KLHL40: variants seen among roughly 807,000 people sequenced by gnomAD.
The protein encoded by KLHL40 is kelch-like protein 40.
A neutral mutation model predicts 49.7 loss-of-function variants in KLHL40; 44 were observed. The observed-to-expected ratio is 0.89, with a 90% confidence interval of 0.70 to 1.14. The LOEUF (loss-of-function observed/expected upper bound fraction) is 1.14. KLHL40 is among the 50% of genes most tolerant of loss of function. KLHL40 has a pLI of 0.00. For missense variants in KLHL40, 892 were observed against 850.3 expected (o/e 1.05, Z -0.61); for synonymous variants, 409 against 365.2 (o/e 1.12, Z -1.37).
chr3:42,686,108 G>A lies in KLHL40; in HGVS notation c.490G>A (p.Ala164Thr). 4 of 1,600,746 alleles carry A rather than the reference G, an allele frequency of 2.5e-6. No homozygotes were observed. Among genetic ancestry groups the A allele is most frequent in the Non-Finnish European group, 3.4e-6 (4 of 1,179,488 alleles). Residue 164 changes from alanine (A) to threonine (T), a missense_variant, in exon 1 of 6, where the codon GCG (alanine) becomes ACG (threonine). Transcript: ENST00000287777. ...DFICAHFTLV[A>T]RDADFLGLSA... ...CATCTGCGCTCACTTCACGCTGGTG[G>A]CGCGCGACGCTGACTTCCTCGGACT...
chr3:42,686,836 G>C, intron 1 of KLHL40, 66 bp downstream of exon 1: 1 of 1,390,372 alleles, frequency 7.2e-7, no homozygotes, highest in Non-Finnish European at 9.7e-7. Context: ...CAGTCTTGGG[G>C]CCCAGAAGGG....
chr3:42,688,288 G>A lies in KLHL40; in HGVS notation c.1299G>A (p.Met433Ile), dbSNP rs1401188176. The A allele has an allele frequency of 1.2e-6, 2 of 1,613,936 alleles. No homozygotes were observed. Among genetic ancestry groups the A allele is most frequent in the African/African-American group, 1.3e-5 (1 of 74,964 alleles). ...GCGAGCGCTGCCTGGACTCGGTCAT[G>A]TGCTACGACAGGCTGTGAGCATGGC... Reference protein sequence around the residue: ...KDGERCLDSVMCYDRLSFKWG... With the variant: ...KDGERCLDSVICYDRLSFKWG... Residue 433 changes from methionine (M) to isoleucine (I), a missense_variant, in exon 2 of 6, where the codon ATG (methionine) becomes ATA (isoleucine). Coordinates refer to ENST00000287777, the MANE Select transcript of KLHL40 (RefSeq NM_152393.4). The surrounding 1 kb of genome is among the most constrained non-coding windows in gnomAD (Gnocchi z 4.2).
chr3:42,691,940 G>A lies in KLHL40; in HGVS notation c.1813G>A (p.Gly605Ser), dbSNP rs746728836. 4 of 1,613,784 alleles carry A rather than the reference G, an allele frequency of 2.5e-6. No homozygotes were observed. Among genetic ancestry groups the A allele is most frequent in the Non-Finnish European group, 3.4e-6 (4 of 1,179,784 alleles). Reference sequence around the variant, plus strand: ...CCTGCGGGAGATCGCCTATGCAGCAGGTGCCACCTTCCTACCAGTGCGGCT... The same window carrying A: ...CCTGCGGGAGATCGCCTATGCAGCAAGTGCCACCTTCCTACCAGTGCGGCT... ...GVLREIAYAA[G>S]ATFLPVRLNV... Residue 605 changes from glycine to serine, a missense_variant, in exon 6 of 6, where the codon GGT becomes AGT. Gly to Ser is a moderately conservative substitution (Grantham distance 56). Transcript: ENST00000287777.
At chr3:42,689,555 G>A (rs566149317) in intron 4 of KLHL40, among the ~76,000 whole-genome samples, 1 of 152,232 alleles carries the variant, frequency 6.6e-6, no homozygotes, top group African/African-American at 2.4e-5. Context: ...ATGGAGTTGG[G>A]ATGGCGGTGC....
rs777181018 is a variant in KLHL40, at chr3:42,690,901, C to T, written c.1650C>T (p.Leu550=). ...CCTTCCCACAGGAGCGTAGCTCACTCAGCCTGGTCAGCCTGGTGGGTACCC... is the reference window on the plus strand; with the variant it reads ...CCTTCCCACAGGAGCGTAGCTCACTTAGCCTGGTCAGCCTGGTGGGTACCC... ...FEAFPQERSS[L]SLVSLVGTLY... is the part of the protein sequence containing the mutation. Residue 550 remains leucine, a synonymous_variant, in exon 5 of 6, where the codon CTC becomes CTT. Coordinates refer to ENST00000287777, the MANE Select transcript of KLHL40 (RefSeq NM_152393.4). The T allele has an allele frequency of 6.2e-7, 1 of 1,613,602 alleles. No homozygotes were observed. Among genetic ancestry groups the T allele is most frequent in the South Asian group, 1.1e-5 (1 of 91,048 alleles).
chr3:42,689,386 G>C (rs1697326171), intron 4 of KLHL40, among the ~76,000 whole-genome samples: 1 of 152,156 alleles, frequency 6.6e-6, no homozygotes, highest in African/African-American at 2.4e-5. Flanking sequence ...AGAGAAAACT[G>C]AACTGAGAGA....
chr3:42,685,700 G>A lies in KLHL40; in HGVS notation c.82G>A (p.Asp28Asn), dbSNP rs763130327. Residue 28 changes from aspartate (D) to asparagine (N), a missense_variant, in exon 1 of 6, where the codon GAC becomes AAC. Transcript: ENST00000287777. ...GCAAGACGGGCTCAAAGACATGCTG[G>A]ACCATGGCAAGTTCCTCGACTGTGT... ...LLQDGLKDML[D>N]HGKFLDCVVR... 1 of 1,613,246 alleles carries A rather than the reference G, an allele frequency of 6.2e-7. No homozygotes were observed. The highest frequency in any genetic ancestry group is 2.2e-5 in the East Asian group (1 of 44,866).
At position 42,690,884 on chromosome 3, in the gene KLHL40, C is replaced by T. The variant is rs1007218256; in HGVS notation, c.1633C>T (p.Gln545Ter). Residue 545 changes from glutamine to a stop codon, truncating the protein, a stop_gained, in exon 5 of 6, where the codon CAG becomes TAG. Transcript: ENST00000287777. LOFTEE classifies it high-confidence loss of function. ...NKWAPFEAFP[Q>*]ERSSLSLVSL... ...GTGGGCACCCTTCGAGGCCTTCCCA[C>T]AGGAGCGTAGCTCACTCAGCCTGGT... 6.2e-7 allele frequency: 1 copy of T among 1,612,162 alleles called. No individual in the cohort carries two copies. Among genetic ancestry groups the T allele is most frequent in the African/African-American group, 1.3e-5 (1 of 74,858 alleles).
Position 42,688,175 on chromosome 3 carries a change from C to T in KLHL40, c.1186C>T (p.Pro396Ser). ...DHLDSEWLGM[P>S]PLPSPRCLFG... The stretch of plus-strand genomic sequence containing the variant: ...TCTGGACTCAGAGTGGCTGGGGATG[C>T]CACCGCTGCCCTCGCCCCGCTGCCT... The change falls in exon 2 of 6, where the codon CCA becomes TCA. Residue 396 changes from proline to serine, a missense_variant. Pro to Ser is a moderately conservative substitution (Grantham distance 74). Coordinates refer to ENST00000287777, the MANE Select transcript of KLHL40 (RefSeq NM_152393.4). The surrounding 1 kb of genome is among the most constrained non-coding windows in gnomAD (Gnocchi z 4.2). The T allele has an allele frequency of 6.2e-7, 1 of 1,613,664 alleles. No homozygotes were observed. Among genetic ancestry groups the T allele is most frequent in the Non-Finnish European group, 8.5e-7 (1 of 1,179,990 alleles).
rs1449234368 is a variant in KLHL40 at position 42,686,566 on chromosome 3, G to T, written c.948G>T (p.Leu316=). Residue 316 remains leucine, a synonymous_variant, in exon 1 of 6, where the codon CTG becomes CTT. Coordinates refer to ENST00000287777, the MANE Select transcript of KLHL40 (RefSeq NM_152393.4). ...ACACCCTGCGCTTCGGCATGTTCCT[G>T]CAGGATCTCATCTTCATGATCAGTG... ...LNDTLRFGMF[L]QDLIFMISEE... is the part of the protein sequence containing the mutation. 6.2e-7 allele frequency: 1 copy of T among 1,614,158 alleles called. No individual in the cohort carries two copies. Among genetic ancestry groups the T allele is most frequent in the East Asian group, 2.2e-5 (1 of 44,890 alleles).
chr3:42,687,782 C>A (rs1366641561), intron 1 of KLHL40, among the ~76,000 whole-genome samples: 1 of 152,058 alleles, frequency 6.6e-6, no homozygotes, highest in Non-Finnish European at 1.5e-5. Context: ...TTGGAAGTTT[C>A]CTGAACAGTG....
chr3:42,686,513 G>A lies in KLHL40; in HGVS notation c.895G>A (p.Glu299Lys), dbSNP rs1238979900. 6.2e-7 allele frequency: 1 copy of A among 1,614,164 alleles called. No homozygotes were observed. The highest frequency in any genetic ancestry group is 1.1e-5 in the South Asian group (1 of 91,076). The change falls in exon 1 of 6, where the codon GAA becomes AAA. Residue 299 changes from glutamate to lysine, a missense_variant. Coordinates refer to ENST00000287777, the MANE Select transcript of KLHL40 (RefSeq NM_152393.4). Reference sequence around the variant, plus strand: ...CAAAGCAGAGGAGGATGAGGAGGCCGAACGTATCCTTCCTGGGATCCTCAA... The same window carrying A: ...CAAAGCAGAGGAGGATGAGGAGGCCAAACGTATCCTTCCTGGGATCCTCAA... ...KAKAEEDEEA[E>K]RILPGILNDT...
Position 42,691,954 on chromosome 3 carries a change from A to G in KLHL40, c.1827A>G (p.Leu609=). The change falls in exon 6 of 6, where the codon CTA becomes CTG. Residue 609 remains leucine, a synonymous_variant. Transcript: ENST00000287777. The stretch of plus-strand genomic sequence containing the variant: ...CCTATGCAGCAGGTGCCACCTTCCT[A>G]CCAGTGCGGCTCAATGTGCTGTGCC... ...EIAYAAGATF[L]PVRLNVLCLT... The G allele has an allele frequency of 1.9e-6, 3 of 1,613,426 alleles. No individual in the cohort carries two copies. Among genetic ancestry groups the G allele is most frequent in the Non-Finnish European group, 1.7e-6 (2 of 1,179,386 alleles).
Position 42,690,553 on chromosome 3 carries a change from G to A in KLHL40, c.1608-306G>A, listed in dbSNP as rs559863897. ...AAGGCTGGGGGCCTGCTAGGGGCTG[G>A]GGTTGTGAGTTGGAGGGTGGAGTTA... On this transcript the variant is annotated intron_variant, in intron 4 of 5. Transcript: ENST00000287777. 1.4e-4 allele frequency among the ~76,000 whole-genome samples: 21 copies of A among 152,274 alleles called. No homozygotes were observed. In the South Asian group the frequency reaches 2.9e-3, roughly 21 times the overall value.
In KLHL40 at chr3:42,688,710, A is replaced by G. The variant is rs752099249; in HGVS notation, c.1414A>G (p.Ser472Gly). 95 of 1,613,058 alleles carry G rather than the reference A, an allele frequency of 5.9e-5. No homozygotes were observed. The highest frequency in any genetic ancestry group is 7.5e-5 in the Non-Finnish European group (88 of 1,179,226). The change falls in exon 3 of 6, where the codon AGT becomes GGT. Residue 472 changes from serine to glycine, a missense_variant. Ser to Gly is a moderately conservative substitution (Grantham distance 56). Coordinates refer to ENST00000287777, the MANE Select transcript of KLHL40 (RefSeq NM_152393.4). This position sits in a 1 kb window ranked among gnomAD's most constrained non-coding sequence, Gnocchi z 4.2. Reference protein sequence around the residue: ...DLVYVIGGKGSDRKCLNKMCV... With the variant: ...DLVYVIGGKGGDRKCLNKMCV... ...TGTCTACGTAATTGGCGGCAAAGGC[A>G]GTGACAGGTGAGGCTGGGCCTGGAG... is the stretch of plus-strand genomic sequence containing the variant.
chr3:42,690,074 A>G lies in KLHL40; in HGVS notation c.1608-785A>G, dbSNP rs558265667. The stretch of plus-strand genomic sequence containing the variant: ...GGGAAAGTGAGGGTCCAGTTAGGAC[A>G]TGTGGACTTGAAGTACCTGGGGGTG... On this transcript the variant is annotated intron_variant, in intron 4 of 5. Coordinates refer to ENST00000287777, the MANE Select transcript of KLHL40 (RefSeq NM_152393.4). 2.4e-4 allele frequency among the ~76,000 whole-genome samples: 36 copies of G among 152,184 alleles called. No individual in the cohort carries two copies. In the East Asian group the frequency reaches 6.6e-3, roughly 28 times the overall value.
rs775428101 is a variant in KLHL40, at chr3:42,691,022, G to A, written c.1754+17G>A. 6.3e-6 allele frequency: 10 copies of A among 1,588,728 alleles called. No homozygotes were observed. Among genetic ancestry groups the A allele is most frequent in the Non-Finnish European group, 8.6e-6 (10 of 1,166,154 alleles). On this transcript the variant is annotated intron_variant, in intron 5 of 5. Transcript: ENST00000287777. ...CATCTGGAGGTGAGTCCCACCCTGG[G>A]GAGGCAAGGGGGCATCATGAGCAAG...
intron 5 of KLHL40, among the ~76,000 whole-genome samples, chr3:42,691,333 C>T (rs572085177): frequency 5.4e-4 from 82 of 152,198 alleles, no homozygotes; most frequent in South Asian, 1.5e-3. Flanking sequence ...TCCTGCCTTC[C>T]GGGTGCTTGG....
rs1229392663 is a variant in KLHL40, at chr3:42,686,503, T to G, written c.885T>G (p.Asp295Glu). 3.7e-6 allele frequency: 6 copies of G among 1,613,896 alleles called. No homozygotes were observed. The Admixed American group carries it at 1.0e-4, about 27-fold the overall frequency. ...CAAGCAAAGCCAAAGCAGAGGAGGA[T>G]GAGGAGGCCGAACGTATCCTTCCTG... is the stretch of plus-strand genomic sequence containing the variant. ...KGTSKAKAEE[D>E]EEAERILPGI... Residue 295 changes from aspartate to glutamate, a missense_variant, in exon 1 of 6, where the codon GAT becomes GAG. Asp to Glu is a conservative substitution (Grantham distance 45). Transcript: ENST00000287777.
Sources: allele counts gnomAD v4.1 joint callset (sites outside exome capture counted in the v4.1 genomes callset), GRCh38; gene constraint gnomAD v4.1.1; non-coding constraint Gnocchi (gnomAD v3.1); transcripts MANE v1.5; gene names NCBI Gene and HGNC (gene_info 2026-07-23, HGNC 2026-07-21).